Variants in PIWIL1 observed in about 807,000 individuals in gnomAD.
PIWIL1 encodes piwi-like protein 1.
PIWIL1 carries 73 observed loss-of-function variants against 114.4 expected under a neutral mutation model. The observed-to-expected ratio is 0.64, with a 90% CI of 0.53 to 0.78. PIWIL1 has a LOEUF of 0.78. Among genes scored for constraint, PIWIL1 ranks in the 30% least tolerant of loss-of-function variants. The pLI is 0.00. For missense variants in PIWIL1, 723 were observed against 1,063.1 expected (o/e 0.68, Z 4.45); for synonymous variants, 375 against 369.0 (o/e 1.02, Z -0.19).
chr12:130,354,414 C>A, intron 9 of PIWIL1, 123 bp from the exon 10 acceptor site: 1 of 1,218,330 alleles, frequency 8.2e-7, no homozygotes, highest in Non-Finnish European at 1.2e-6. Context: ...TACTCTGAAG[C>A]TATTATCAGC....
the PIWIL1 span, chr12:130,399,634 G>A: frequency 6.2e-7 from 1 of 1,606,926 alleles, no homozygotes; most frequent in Non-Finnish European, 8.5e-7. Flanking sequence ...GACCACATAT[G>A]GCAGAACGGG....
the PIWIL1 span, among the ~76,000 whole-genome samples, chr12:130,423,478 G>A: frequency 6.6e-5 from 10 of 152,118 alleles, no homozygotes; most frequent in Non-Finnish European, 1.0e-4. Context: ...CAAATGTTCC[G>A]AAAAGAGGAC....
At chr12:130,352,651 G>A (rs1445211203) in intron 9 of PIWIL1, among the ~76,000 whole-genome samples, 3 of 152,190 alleles carry the variant, frequency 2.0e-5, no homozygotes, top group Non-Finnish European at 2.9e-5. Context: ...CAGCCTGGGC[G>A]ACAGAATGAA....
chr12:130,424,826 A>G, the PIWIL1 span: 2 of 1,232,666 alleles, frequency 1.6e-6, no homozygotes, highest in Middle Eastern at 3.1e-4. The surrounding 1 kb of genome is among the most constrained non-coding windows in gnomAD (Gnocchi z 9.8). Flanking sequence ...GCTCCCAGAA[A>G]GTGCCTTCCG....
chr12:130,355,806 A>G (rs909548103), intron 12 of PIWIL1, 139 bp downstream of exon 12: 1 of 665,302 alleles, frequency 1.5e-6, no homozygotes, highest in African/African-American at 1.8e-5. Context: ...CAATCAAGTG[A>G]GGCTTGGGTC....
rs2073557847 is a variant in PIWIL1, at chr12:130,363,036, G to A, written c.2087G>A (p.Arg696Gln). Residue 696 changes from arginine to glutamine, a missense_variant, in exon 18 of 21, where the codon CGG becomes CAG. This residue lies in a region of PIWIL1 where 31 missense variants were observed against 30.2 expected (regional missense o/e 1.03). Transcript: ENST00000245255. ...WNSCNEYMPS[R>Q]IIVYRDGVGD... is the part of the protein sequence containing the mutation. Reference sequence around the variant, plus strand: ...AGCTGCAATGAGTACATGCCCAGCCGGATCATCGTGTACCGCGATGGCGTA... The same window carrying A: ...AGCTGCAATGAGTACATGCCCAGCCAGATCATCGTGTACCGCGATGGCGTA... The A allele has an allele frequency of 1.9e-6, 3 of 1,614,084 alleles. No individual in the cohort carries two copies. Among genetic ancestry groups the A allele is most frequent in the African/African-American group, 1.3e-5 (1 of 74,940 alleles).
chr12:130,355,508 C>A, intron 11 of PIWIL1, 45 bp from the exon 12 acceptor site: 2 of 1,349,664 alleles, frequency 1.5e-6, no homozygotes, highest in Non-Finnish European at 1.1e-6. Flanking sequence ...TGTCTTCTTG[C>A]TGTGTCTCTT....
In PIWIL1 at chr12:130,349,869, A is replaced by T; in HGVS notation, c.946A>T (p.Thr316Ser). The T allele has an allele frequency of 1.3e-6, 2 of 1,598,924 alleles. No individual in the cohort carries two copies. Among genetic ancestry groups the T allele is most frequent in the Non-Finnish European group, 1.7e-6 (2 of 1,167,804 alleles). The change falls in exon 9 of 21, where the codon ACA becomes TCA. Residue 316 changes from threonine to serine, a missense_variant. This residue lies in a region of PIWIL1 where 3 missense variants were observed against 24.4 expected (regional missense o/e 0.12). Transcript: ENST00000245255. ...ACTGATCCCTAGGTATAACAATAAGACATACAGAGTGGATGATATTGACTG... is the reference window on the plus strand; with the variant it reads ...ACTGATCCCTAGGTATAACAATAAGTCATACAGAGTGGATGATATTGACTG... ...LVVLTKYNNKTYRVDDIDWDQ... is the reference protein window; with the variant it reads ...LVVLTKYNNKSYRVDDIDWDQ...
At chr12:130,357,254 A>G (rs2073388216) in intron 13 of PIWIL1, 149 bp downstream of exon 13, 3 of 734,362 alleles carry the variant, frequency 4.1e-6, no homozygotes, top group East Asian at 5.4e-5. Flanking sequence ...TATTTTAATA[A>G]CTAAGAATGG....
At chr12:130,340,659 GT>G (rs2072892990) in intron 1 of PIWIL1, among the ~76,000 whole-genome samples, 1 of 118,196 alleles carries the variant, frequency 8.5e-6, no homozygotes, top group Non-Finnish European at 1.8e-5. Flanking sequence ...GGGGAGGGGG[GT>G]TGGTGGTGGT....
At chr12:130,375,685 AT>A (rs34110866), downstream of PIWIL1, among the ~76,000 whole-genome samples, 1,161 of 148,880 alleles carry the variant, frequency 7.8e-3, 10 homozygotes, top group African/African-American at 0.026. Flanking sequence ...AACTGGTGTC[AT>A]TTTTTTTTTA....
At chr12:130,342,499 G>T in intron 1 of PIWIL1, 81 bp from the exon 2 acceptor site, 1 of 803,462 alleles carries the variant, frequency 1.2e-6, no homozygotes, top group East Asian at 2.6e-5. Flanking sequence ...GAAACTCAAA[G>T]AAGTTTAAAG....
chr12:130,424,177 C>T, the PIWIL1 span: 30 of 1,231,968 alleles, frequency 2.4e-5, no homozygotes, highest in African/African-American at 9.3e-5. This position sits in a 1 kb window ranked among gnomAD's most constrained non-coding sequence, Gnocchi z 9.8. Context: ...GGTGGCTTTG[C>T]GTGGGGGGCA....
the PIWIL1 span, among the ~76,000 whole-genome samples, chr12:130,422,298 A>T: frequency 3.3e-5 from 5 of 152,350 alleles, no homozygotes; most frequent in East Asian, 9.6e-4. The surrounding 1 kb of genome is among the most constrained non-coding windows in gnomAD (Gnocchi z 5.2). Context: ...GCTTTCATTT[A>T]TCTTGTGCTG....
the PIWIL1 span, among the ~76,000 whole-genome samples, chr12:130,404,448 C>A: frequency 3.9e-5 from 6 of 152,184 alleles, no homozygotes; most frequent in African/African-American, 1.4e-4. Flanking sequence ...CAGGCACATG[C>A]CACCACGCCC....
chr12:130,423,691 C>T, the PIWIL1 span, among the ~76,000 whole-genome samples: 42 of 99,016 alleles, frequency 4.2e-4, no homozygotes, highest in East Asian at 1.1e-3. Flanking sequence ...TTTCTTCAAT[C>T]TTTTTTTTTT....
rs560998508 is a variant in PIWIL1 at position 130,354,009 on chromosome 12, C to A, written c.1045-528C>A. On this transcript the variant is annotated intron_variant, in intron 9 of 20. Coordinates refer to ENST00000245255, the MANE Select transcript of PIWIL1 (RefSeq NM_004764.5). Reference sequence around the variant, plus strand: ...TTGGGCAGTGATTGCATCTGGGGAACCTTAACACTTCTCAATTGAAATTTG... The same window carrying A: ...TTGGGCAGTGATTGCATCTGGGGAAACTTAACACTTCTCAATTGAAATTTG... Among the ~76,000 whole-genome samples, 8 of 152,038 alleles carry A rather than the reference C, an allele frequency of 5.3e-5. No homozygotes were observed. The South Asian group carries it at 1.0e-3, about 20-fold the overall frequency.
chr12:130,410,702 C>T, the PIWIL1 span, among the ~76,000 whole-genome samples: 1 of 152,174 alleles, frequency 6.6e-6, no homozygotes, highest in African/African-American at 2.4e-5. Flanking sequence ...CTTCATTCTG[C>T]CCCATTAATC....
the PIWIL1 span, among the ~76,000 whole-genome samples, chr12:130,423,412 G>A: frequency 1.3e-5 from 2 of 152,318 alleles, no homozygotes; most frequent in East Asian, 3.9e-4. Flanking sequence ...CCCAAGGCCT[G>A]GCGCCATGTG....
Sources: allele counts gnomAD v4.1 joint callset (sites outside exome capture counted in the v4.1 genomes callset), GRCh38; gene constraint gnomAD v4.1.1; regional missense constraint gnomAD v4.1.1; non-coding constraint Gnocchi (gnomAD v3.1); transcripts MANE v1.5; gene names NCBI Gene and HGNC (gene_info 2026-07-23, HGNC 2026-07-21).